BID: variants seen among roughly 807,000 people sequenced by gnomAD.
BID encodes the protein BH3 interacting domain death agonist, also known as BH3-interacting domain death agonist.
Under a neutral mutation model 17.4 loss-of-function variants are expected in BID, and 19 were observed. The ratio of observed to expected loss-of-function variants is 1.09; its 90% CI spans 0.76 to 1.60. The LOEUF (loss-of-function observed/expected upper bound fraction) is 1.60. Among genes scored for constraint, BID ranks in the 40% most tolerant of loss-of-function variants. The pLI, the probability that BID is intolerant of heterozygous loss-of-function variation, is 0.00. For missense variants in BID, 226 were observed against 256.0 expected, an observed-to-expected ratio of 0.88 and a Z score of 0.80; for synonymous variants, 108 against 102.8, an observed-to-expected ratio of 1.05 and a Z score of -0.31.
Position 17,738,225 on chromosome 22 carries a change from C to T in BID, c.368G>A (p.Arg123Gln), listed in dbSNP as rs142609840. The T allele has an allele frequency of 2.7e-5, 44 of 1,609,726 alleles. No homozygotes were observed. Among genetic ancestry groups the T allele is most frequent in the Non-Finnish European group, 3.6e-5 (43 of 1,179,890 alleles). The change falls in exon 5 of 6, where the codon CGG (arginine) becomes CAG (glutamine). Residue 123 changes from arginine to glutamine, a missense_variant. By Grantham distance (43) the Arg-to-Gln change is conservative (BLOSUM62 1). Transcript: ENST00000622694. ...LRNTSRSEED[R>Q]NRDLATALEQ... is the part of the protein sequence containing the mutation. ...CAGGGCAGTGGCCAGGTCCCTGTTC[C>T]GGTCCTGCACAGAGGGGCACACAGA...
Position 17,743,675 on chromosome 22 carries a change from C to T in BID, c.223+128G>A, listed in dbSNP as rs867234518. 9.8e-5 allele frequency: 89 copies of T among 909,144 alleles called. No homozygotes were observed. In the African/African-American group the frequency reaches 1.2e-3, roughly 13 times the overall value. The allele number at this position is 909,144 out of a possible 1,614,324, so 56.3% of individuals were successfully genotyped here. A position where few individuals can be genotyped will look rare whatever the true frequency, so the allele number is the denominator to read the frequency against. ...CAGTCAAGTGATTAAGTGATACCAG[C>T]GTACGTGGCAGCTGAAACTGCAGAG... is the stretch of plus-strand genomic sequence containing the variant. On this transcript the variant is annotated intron_variant, in intron 3 of 5. Transcript: ENST00000622694.
intron 1 of BID, among the ~76,000 whole-genome samples, chr22:17,759,928 G>A (rs1027495232): frequency 2.6e-5 from 4 of 151,096 alleles, no homozygotes; most frequent in African/African-American, 9.8e-5. Flanking sequence ...GGATCACGAT[G>A]TCAGGAGATC....
chr22:17,740,435 T>A (rs891244545), intron 3 of BID: 63 of 295,518 alleles, frequency 2.1e-4, no homozygotes, highest in Non-Finnish European at 3.9e-4. Flanking sequence ...CAAGAAACTT[T>A]TTTTTTTTTT....
chr22:17,740,700 T>C (rs1203615629), intron 3 of BID: 1 of 160,914 alleles, frequency 6.2e-6, no homozygotes, highest in Non-Finnish European at 1.4e-5. Context: ...GTGCTGGGAT[T>C]ACAGGTGTGA....
chr22:17,735,812 G>A (rs1048674765), intron 5 of BID, among the ~76,000 whole-genome samples: 1 of 152,210 alleles, frequency 6.6e-6, no homozygotes, highest in African/African-American at 2.4e-5. Flanking sequence ...CCAAGGCACT[G>A]ACGGTGTCAG....
Position 17,773,586 on chromosome 22 carries a change from A to C in BID, c.-59+795T>G. On this transcript the variant is annotated intron_variant, in intron 1 of 5. Transcript: ENST00000622694. The surrounding 1 kb of genome is among the most constrained non-coding windows in gnomAD (Gnocchi z 4.4). ...AGGTGAAGGCCGGTCCAGCCGCAGA[A>C]GGCCCAGCCCCCAGCCCACTTACAG... The C allele has an allele frequency of 6.2e-7, 1 of 1,611,794 alleles. No individual in the cohort carries two copies. The highest frequency in any genetic ancestry group is 8.5e-7 in the Non-Finnish European group (1 of 1,179,568).
intron 2 of BID, among the ~76,000 whole-genome samples, 197 bp from the exon 3 acceptor site, chr22:17,744,210 C>T (rs2061480476): frequency 6.6e-6 from 1 of 152,150 alleles, no homozygotes; most frequent in Admixed American, 6.5e-5. Context: ...GCAGCACTGC[C>T]CGTAGATGGC....
intron 2 of BID, among the ~76,000 whole-genome samples, chr22:17,744,375 C>T (rs1012823148): frequency 6.6e-6 from 1 of 152,250 alleles, no homozygotes; most frequent in African/African-American, 2.4e-5. Flanking sequence ...CATCCGCCAT[C>T]CTGTGCTGGC....
chr22:17,756,080 C>T (rs1451962184), intron 1 of BID, among the ~76,000 whole-genome samples: 1 of 152,148 alleles, frequency 6.6e-6, no homozygotes, highest in Non-Finnish European at 1.5e-5. Context: ...GTTAGCCAGG[C>T]TGGTCTGGAA....
intron 1 of BID, among the ~76,000 whole-genome samples, chr22:17,759,282 G>T (rs1186647445): frequency 6.9e-6 from 1 of 145,276 alleles, no homozygotes; most frequent in African/African-American, 2.5e-5. Flanking sequence ...GTGTGGGCTG[G>T]GTGCGGTGGC....
rs544426630 is a variant in BID at position 17,735,413 on chromosome 22, G to A, written c.*167C>T. ...AGTATATTAATGTAGATATTTTAAA[G>A]TGGGTTATAAGTTTAACATTGTCTT... is the stretch of plus-strand genomic sequence containing the variant. On this transcript the variant is annotated 3_prime_UTR_variant, in exon 6 of 6. Coordinates refer to ENST00000622694, the MANE Select transcript of BID (RefSeq NM_001196.4). The A allele has an allele frequency of 1.4e-6, 1 of 703,742 alleles. No individual in the cohort carries two copies. The highest frequency in any genetic ancestry group is 2.4e-6 in the Non-Finnish European group (1 of 422,510). The allele number at this position is 703,742 out of a possible 1,614,324, so 43.6% of individuals were successfully genotyped here.
At chr22:17,739,750 G>A (rs1401186037) in intron 3 of BID, 5 of 581,766 alleles carry the variant, frequency 8.6e-6, no homozygotes, top group Non-Finnish European at 1.5e-5. Context: ...CACAGGCAGG[G>A]CCGGTGAAGC....
chr22:17,743,932 T>C lies in BID; in HGVS notation c.94A>G (p.Ser32Gly). 6.2e-7 allele frequency: 1 copy of C among 1,613,966 alleles called. No homozygotes were observed. ...AGTGCGTCCAGCTCTCTGCGGAAGC[T>C]GTTGTCAGAACAGCTTTGGAGGAAG... is the stretch of plus-strand genomic sequence containing the variant. ...FGFLQSCSDN[S>G]FRRELDALGH... The change falls in exon 3 of 6, where the codon AGC becomes GGC. Residue 32 changes from serine (S) to glycine (G), a missense_variant. By Grantham distance (56) the Ser-to-Gly change is moderately conservative (BLOSUM62 0). Transcript: ENST00000622694.
chr22:17,763,676 G>A (rs1000580281), intron 1 of BID, among the ~76,000 whole-genome samples: 1 of 151,706 alleles, frequency 6.6e-6, no homozygotes, highest in Non-Finnish European at 1.5e-5. Context: ...ACAGCCACTC[G>A]CGCCCTTCTA....
At chr22:17,763,655 C>T (rs903574764) in intron 1 of BID, among the ~76,000 whole-genome samples, 2 of 152,094 alleles carry the variant, frequency 1.3e-5, no homozygotes, top group African/African-American at 4.8e-5. Context: ...GGCACACACA[C>T]CATAGCCTTC....
chr22:17,743,768 C>A, intron 3 of BID, 35 bp downstream of exon 3: 1 of 1,578,472 alleles, frequency 6.3e-7, no homozygotes, highest in East Asian at 2.3e-5. Flanking sequence ...CAGAGAAGCC[C>A]AGCTTTGGGG....
chr22:17,765,580 A>G (rs1173001046), intron 1 of BID, among the ~76,000 whole-genome samples: 1 of 152,368 alleles, frequency 6.6e-6, no homozygotes, highest in East Asian at 1.9e-4. Context: ...AATCTTAAAC[A>G]TTATGTAACA....
At chr22:17,766,509 G>A (rs1173727206) in intron 1 of BID, among the ~76,000 whole-genome samples, 2 of 151,974 alleles carry the variant, frequency 1.3e-5, no homozygotes, top group African/African-American at 4.8e-5. Flanking sequence ...TCAAACTCCC[G>A]ACCTCAGGTG....
chr22:17,739,096 G>A (rs1334103173), intron 4 of BID, among the ~76,000 whole-genome samples: 2 of 152,210 alleles, frequency 1.3e-5, no homozygotes, highest in Non-Finnish European at 2.9e-5. Flanking sequence ...AACATGCTTC[G>A]TTCATCTTTT....
Sources: allele counts gnomAD v4.1 joint callset (sites outside exome capture counted in the v4.1 genomes callset), GRCh38; gene constraint gnomAD v4.1.1; non-coding constraint Gnocchi (gnomAD v3.1); transcripts MANE v1.5; gene names NCBI Gene and HGNC (gene_info 2026-07-23, HGNC 2026-07-21).